Variants in PHLPP1 observed in about 807,000 individuals in gnomAD.
The protein encoded by PHLPP1 is PH domain and leucine rich repeat protein phosphatase 1, also known as PH domain leucine-rich repeat-containing protein phosphatase 1.
Under a neutral mutation model 117.2 loss-of-function variants are expected in PHLPP1, and 42 were observed. The ratio of observed to expected loss-of-function variants is 0.36; its 90% CI spans 0.28 to 0.46. The LOEUF (loss-of-function observed/expected upper bound fraction) is 0.46, where lower values mean the gene tolerates loss of function less well. PHLPP1 is among the 20% of genes least tolerant of loss of function. The probability of loss-of-function intolerance (pLI) is 1.00; values close to 1 mark genes in which losing one functional copy is unlikely to be tolerated. For synonymous variants in PHLPP1, 1,042 were observed against 970.7 expected, an observed-to-expected ratio of 1.07 and a Z score of -1.37; for missense variants, 2,084 against 2,241.9, an observed-to-expected ratio of 0.93 and a Z score of 1.42.
At chr18:62,763,100 T>C (rs1384439788) in intron 1 of PHLPP1, among the ~76,000 whole-genome samples, 1 of 152,198 alleles carries the variant, frequency 6.6e-6, no homozygotes, top group Admixed American at 6.5e-5. Context: ...CCAGAAATTT[T>C]CCCCGTATGA....
intron 1 of PHLPP1, among the ~76,000 whole-genome samples, chr18:62,826,724 C>T (rs1172666190): frequency 3.9e-5 from 6 of 152,150 alleles, no homozygotes; most frequent in African/African-American, 9.6e-5. Context: ...AGAGGCCATC[C>T]GGGCGCGGTG....
In PHLPP1 at chr18:62,979,278, C is replaced by G; in HGVS notation, c.5001C>G (p.Pro1667=). Residue 1667 remains proline, a synonymous_variant, in exon 17 of 17, where the codon CCC becomes CCG. Coordinates refer to ENST00000262719, the MANE Select transcript of PHLPP1 (RefSeq NM_194449.4). ...ATCCTGATGATCAGTTTATCATACCCCCGGAGCTGGAAGAGGAGGTCAAAG... is the reference window on the plus strand; with the variant it reads ...ATCCTGATGATCAGTTTATCATACCGCCGGAGCTGGAAGAGGAGGTCAAAG... ...QPDPDDQFII[P]PELEEEVKEI... is the part of the protein sequence containing the mutation. 1 of 1,564,640 alleles carries G rather than the reference C, an allele frequency of 6.4e-7. No homozygotes were observed.
At position 62,903,797 on chromosome 18, in the gene PHLPP1, A is replaced by C. The variant is rs997831297; in HGVS notation, c.2647+631A>C. On this transcript the variant is annotated intron_variant, in intron 7 of 16. Coordinates refer to ENST00000262719, the MANE Select transcript of PHLPP1 (RefSeq NM_194449.4). ...AAAAAAAAAAAAGACAAGAAAAGATAATTTAAAAAAGATAAACTAGAATGA... is the reference window on the plus strand; with the variant it reads ...AAAAAAAAAAAAGACAAGAAAAGATCATTTAAAAAAGATAAACTAGAATGA... Among the ~76,000 whole-genome samples the C allele has an allele frequency of 2.6e-5, 4 of 151,978 alleles. No homozygotes were observed. In the East Asian group the frequency reaches 7.7e-4, roughly 29 times the overall value.
chr18:62,861,994 C>T (rs549699431), intron 4 of PHLPP1, among the ~76,000 whole-genome samples: 54 of 152,188 alleles, frequency 3.5e-4, no homozygotes, highest in African/African-American at 1.2e-3. Context: ...AGTACTACTC[C>T]GTTGTGTAAC....
At chr18:62,838,965 CT>C (rs1018514399) in intron 3 of PHLPP1, 56 bp downstream of exon 3, 40 of 1,596,224 alleles carry the variant, frequency 2.5e-5, no homozygotes, top group Non-Finnish European at 3.2e-5. Context: ...TACAAAGTTC[CT>C]TTCTGCTTTA....
At chr18:62,847,861 C>G (rs1186675969) in intron 3 of PHLPP1, among the ~76,000 whole-genome samples, 1 of 152,224 alleles carries the variant, frequency 6.6e-6, no homozygotes, top group Non-Finnish European at 1.5e-5. Flanking sequence ...GAGCTGAAGT[C>G]TGTTTCCTCT....
chr18:62,944,902 A>G (rs1328612737), intron 11 of PHLPP1, among the ~76,000 whole-genome samples: 1 of 152,188 alleles, frequency 6.6e-6, no homozygotes, highest in African/African-American at 2.4e-5. Context: ...TCTTGTTGAC[A>G]ATTTGAAGAG....
At chr18:62,934,333 G>A (rs908672498) in intron 10 of PHLPP1, among the ~76,000 whole-genome samples, 12 of 152,018 alleles carry the variant, frequency 7.9e-5, no homozygotes, top group Non-Finnish European at 1.2e-4. Context: ...TGTACCCGTC[G>A]GTGGTGAATT....
At chr18:62,832,218 G>A (rs1271230114) in intron 2 of PHLPP1, 5 of 152,214 alleles carry the variant, frequency 3.3e-5, no homozygotes, top group Admixed American at 6.5e-5. Context: ...CCTTTGAAGA[G>A]CTTATGATTT....
intron 4 of PHLPP1, among the ~76,000 whole-genome samples, chr18:62,881,492 C>T (rs1035961629): frequency 1.1e-4 from 17 of 152,052 alleles, no homozygotes; most frequent in African/African-American, 3.9e-4. Flanking sequence ...TTAATTTTTA[C>T]CTAAGTAAAA....
intron 1 of PHLPP1, among the ~76,000 whole-genome samples, chr18:62,815,058 G>A (rs190114772): frequency 2.0e-5 from 3 of 152,130 alleles, no homozygotes; most frequent in East Asian, 3.9e-4. Flanking sequence ...GCTTAGCTGT[G>A]TAGTTCTGGA....
chr18:62,760,008 C>T (rs1042520529), intron 1 of PHLPP1, among the ~76,000 whole-genome samples: 2 of 152,122 alleles, frequency 1.3e-5, no homozygotes, highest in African/African-American at 2.4e-5. Context: ...CCTTGGGTTC[C>T]ATACTTGTCT....
intron 1 of PHLPP1, among the ~76,000 whole-genome samples, chr18:62,735,784 C>T (rs543059636): frequency 1.5e-4 from 23 of 152,094 alleles, no homozygotes; most frequent in Non-Finnish European, 3.2e-4. Context: ...CTTTTAGAAA[C>T]GTATGTAATA....
At chr18:62,939,465 A>C (rs1197991924) in intron 10 of PHLPP1, among the ~76,000 whole-genome samples, 1 of 152,204 alleles carries the variant, frequency 6.6e-6, no homozygotes, top group African/African-American at 2.4e-5. Flanking sequence ...AAACAGACTC[A>C]TAAAAATACT....
intron 1 of PHLPP1, among the ~76,000 whole-genome samples, chr18:62,807,808 T>C (rs2144308003): frequency 6.6e-6 from 1 of 152,304 alleles, no homozygotes; most frequent in East Asian, 1.9e-4. Context: ...TACACCTCTC[T>C]AGGGTACTTA....
chr18:62,793,102 G>A (rs930970952), intron 1 of PHLPP1, among the ~76,000 whole-genome samples: 8 of 152,104 alleles, frequency 5.3e-5, no homozygotes, highest in Non-Finnish European at 8.8e-5. Context: ...TTGAACCCAG[G>A]AGGCAGAGGT....
chr18:62,913,324 A>G (rs116662429), intron 8 of PHLPP1, among the ~76,000 whole-genome samples: 11 of 152,284 alleles, frequency 7.2e-5, no homozygotes, highest in East Asian at 3.9e-4. Context: ...GAGCATGTCA[A>G]TGTTTAGGGC....
intron 10 of PHLPP1, among the ~76,000 whole-genome samples, chr18:62,940,853 A>T (rs906831312): frequency 7.2e-5 from 11 of 152,250 alleles, no homozygotes; most frequent in Non-Finnish European, 1.2e-4. Context: ...TAAGAAACAG[A>T]ACATTACAAT....
chr18:62,740,414 T>C (rs956807174), intron 1 of PHLPP1, among the ~76,000 whole-genome samples: 1 of 152,222 alleles, frequency 6.6e-6, no homozygotes, highest in African/African-American at 2.4e-5. Context: ...TCATAATAAC[T>C]CATGGATTAA....
Sources: allele counts gnomAD v4.1 joint callset (sites outside exome capture counted in the v4.1 genomes callset), GRCh38; gene constraint gnomAD v4.1.1; transcripts MANE v1.5; gene names NCBI Gene and HGNC (gene_info 2026-07-23, HGNC 2026-07-21).